MGAT4B: variants seen among roughly 807,000 people sequenced by gnomAD.
The protein encoded by MGAT4B is alpha-1,3-mannosyl-glycoprotein 4-beta-N-acetylglucosaminyltransferase B.
A neutral mutation model predicts 73.9 loss-of-function variants in MGAT4B; 38 were observed. The observed-to-expected ratio is 0.51, with a 90% CI of 0.40 to 0.67. MGAT4B has a LOEUF of 0.67. Among genes scored for constraint, MGAT4B ranks in the 30% least tolerant of loss-of-function variants. The pLI, the probability that MGAT4B is intolerant of heterozygous loss-of-function variation, is 0.00. For missense variants in MGAT4B, 686 were observed against 735.2 expected, an observed-to-expected ratio of 0.93 and a Z score of 0.77; for synonymous variants, 373 against 313.5, an observed-to-expected ratio of 1.19 and a Z score of -2.01.
In MGAT4B at chr5:179,798,579, G is replaced by A. The variant is rs1181986259; in HGVS notation, c.1356C>T (p.Arg452=). Residue 452 remains arginine, a synonymous_variant, in exon 12 of 15, where the codon CGC becomes CGT. Coordinates refer to ENST00000292591, the MANE Select transcript of MGAT4B (RefSeq NM_014275.5). ...CCTCCGGGTGCTCGATGTTCCCACTGCGGAAGAAGAACCTGCAGCCAGGCA... is the reference window on the plus strand; with the variant it reads ...CCTCCGGGTGCTCGATGTTCCCACTACGGAAGAAGAACCTGCAGCCAGGCA... ...QPLRLERFFF[R]SGNIEHPEDK... 1.2e-6 allele frequency: 2 copies of A among 1,613,446 alleles called. No individual in the cohort carries two copies. Among genetic ancestry groups the A allele is most frequent in the Admixed American group, 1.7e-5 (1 of 60,020 alleles).
intron 8 of MGAT4B, 148 bp downstream of exon 8, chr5:179,799,806 A>G (rs1581972619): frequency 8.1e-7 from 1 of 1,239,408 alleles, no homozygotes; most frequent in Non-Finnish European, 1.1e-6. Context: ...TGCACAGGCA[A>G]TGAGAACAGG....
chr5:179,799,030 G>A lies in MGAT4B; in HGVS notation c.1241C>T (p.Thr414Ile), dbSNP rs778042352. Residue 414 changes from threonine to isoleucine, a missense_variant, in exon 11 of 15, where the codon ACC becomes ATC. By Grantham distance (89) the Thr-to-Ile change is moderately conservative (BLOSUM62 -1). This residue lies in a region of MGAT4B where 449 missense variants were observed against 536.8 expected (regional missense o/e 0.84). Transcript: ENST00000292591. ...STSLKTYQHF[T>I]LEKAYLREDF... ...CTCGCGCAGGTAGGCTTTCTCCAGG[G>A]TGAAGTGCTGGTATGTCTTCAGGCT... 1 of 1,613,980 alleles carries A rather than the reference G, an allele frequency of 6.2e-7. No individual in the cohort carries two copies. Among genetic ancestry groups the A allele is most frequent in the South Asian group, 1.1e-5 (1 of 91,088 alleles).
In MGAT4B at chr5:179,798,332, C is replaced by T. The variant is rs745479806; in HGVS notation, c.1510+15G>A. 1.9e-6 allele frequency: 3 copies of T among 1,613,074 alleles called. No individual in the cohort carries two copies. The highest frequency in any genetic ancestry group is 1.7e-6 in the Non-Finnish European group (2 of 1,179,982). On this transcript the variant is annotated intron_variant, in intron 13 of 14. Coordinates refer to ENST00000292591, the MANE Select transcript of MGAT4B (RefSeq NM_014275.5). ...CCTGAACCCCAGCCCACGCTCTCCC[C>T]CAAACCCTACCCACCGATCTGGAGG... is the stretch of plus-strand genomic sequence containing the variant.
At chr5:179,802,032 G>A (rs75359599) in intron 1 of MGAT4B, 63 bp from the exon 2 acceptor site, 33,567 of 1,611,998 alleles carry the variant, frequency 0.021, 427 homozygotes, top group Non-Finnish European at 0.025. Flanking sequence ...GGCCCCTCCA[G>A]TGTGCCAGCG....
intron 1 of MGAT4B, chr5:179,803,176 G>C: frequency 1.0e-6 from 1 of 985,574 alleles, no homozygotes; most frequent in Non-Finnish European, 1.2e-6. Context: ...TAAGGAGCAG[G>C]GAGCCAGGTA....
intron 1 of MGAT4B, among the ~76,000 whole-genome samples, chr5:179,804,752 C>T (rs1192354735): frequency 2.6e-5 from 4 of 152,120 alleles, no homozygotes; most frequent in Non-Finnish European, 4.4e-5. Flanking sequence ...ATCTGGCCTC[C>T]GACTGGCTAC....
Position 179,797,827 on chromosome 5 carries a change from T to C in MGAT4B, c.*218A>G, listed in dbSNP as rs1756711902. 1 of 588,706 alleles carries C rather than the reference T, an allele frequency of 1.7e-6. No homozygotes were observed. The highest frequency in any genetic ancestry group is 2.9e-6 in the Non-Finnish European group (1 of 345,934). 36.5% of individuals were successfully genotyped at this position (588,706 alleles called of 1,614,324 possible). A position where few individuals can be genotyped will look rare whatever the true frequency, so the allele number is the denominator to read the frequency against. ...GAACGGTTCCGGGCCTCAGGCACAG[T>C]GTGGGGGCCGCCTGCCTCCTCCGCG... is the stretch of plus-strand genomic sequence containing the variant. On this transcript the variant is annotated 3_prime_UTR_variant, in exon 15 of 15. Transcript: ENST00000292591.
intron 11 of MGAT4B, 109 bp downstream of exon 11, chr5:179,798,819 A>G (rs1008206168): frequency 2.2e-6 from 3 of 1,340,508 alleles, no homozygotes; most frequent in Non-Finnish European, 3.1e-6. Context: ...TACGAGGCCC[A>G]CTTCAGATGC....
rs552992873 is a variant in MGAT4B at position 179,800,784 on chromosome 5, C to T, written c.605+123G>A. On this transcript the variant is annotated intron_variant, in intron 5 of 14. Transcript: ENST00000292591. ...CTTCTGCACACCCACCCCTCCCCCA[C>T]CAGGTCCCTGCCTCCCCACGAGATA... is the stretch of plus-strand genomic sequence containing the variant. The T allele has an allele frequency of 4.2e-6, 5 of 1,182,942 alleles. No homozygotes were observed. In the East Asian group the frequency reaches 1.2e-4, roughly 29 times the overall value. 73.3% of individuals were successfully genotyped at this position (1,182,942 alleles called of 1,614,324 possible).
intron 4 of MGAT4B, 29 bp from the exon 5 acceptor site, chr5:179,800,982 G>A (rs753356615): frequency 2.5e-6 from 4 of 1,613,088 alleles, no homozygotes; most frequent in East Asian, 2.2e-5. Flanking sequence ...CCCTCCCTTA[G>A]CCCTGCTGCT....
In MGAT4B at chr5:179,798,989, A is replaced by T. The variant is rs374437340; in HGVS notation, c.1282T>A (p.Phe428Ile). The change falls in exon 11 of 15, where the codon TTC (phenylalanine) becomes ATC (isoleucine). Residue 428 changes from phenylalanine (F) to isoleucine (I), a missense_variant. Phe to Ile is a conservative substitution (Grantham distance 21, BLOSUM62 0). Coordinates refer to ENST00000292591, the MANE Select transcript of MGAT4B (RefSeq NM_014275.5). ...ATGAAGTCCCCCGCGGCAGGGGTGA[A>T]GGCCCAGAAGAAGTCCTCGCGCAGG... ...AYLREDFFWA[F>I]TPAAGDFIRF... 1 of 1,613,690 alleles carries T rather than the reference A, an allele frequency of 6.2e-7. No individual in the cohort carries two copies. Among genetic ancestry groups the T allele is most frequent in the Non-Finnish European group, 8.5e-7 (1 of 1,180,026 alleles).
intron 1 of MGAT4B, 156 bp from the exon 2 acceptor site, chr5:179,802,125 C>T (rs375293894): frequency 2.0e-6 from 3 of 1,532,356 alleles, no homozygotes; most frequent in Non-Finnish European, 2.6e-6. Context: ...TGGGGTCACT[C>T]TAAAATTACA....
chr5:179,801,887 G>C lies in MGAT4B; in HGVS notation c.180C>G (p.Arg60=), dbSNP rs1255970901. 5 of 1,612,876 alleles carry C rather than the reference G, an allele frequency of 3.1e-6. No individual in the cohort carries two copies. In the Admixed American group the frequency reaches 5.0e-5, roughly 16 times the overall value. The change falls in exon 2 of 15, where the codon CGC becomes CGG. Residue 60 remains arginine, a synonymous_variant. Transcript: ENST00000292591. This position sits in a 1 kb window ranked among gnomAD's most constrained non-coding sequence, Gnocchi z 4.8. ...CCAGCACCAGGTTGAGCTCCTTGGA[G>C]CGCTTGAGGCTCTCCTGCTCAGCTG... ...LHAAEQESLK[R]SKELNLVLDE...
In MGAT4B at chr5:179,801,186, C is replaced by T. The variant is rs1484164159; in HGVS notation, c.558+148G>A. 7.9e-7 allele frequency: 1 copy of T among 1,265,776 alleles called. No homozygotes were observed. Among genetic ancestry groups the T allele is most frequent in the Admixed American group, 2.5e-5 (1 of 40,622 alleles). The allele number at this position is 1,265,776 out of a possible 1,614,324, so 78.4% of individuals were successfully genotyped here. A position where few individuals can be genotyped will look rare whatever the true frequency, so the allele number is the denominator to read the frequency against. The stretch of plus-strand genomic sequence containing the variant: ...GTAGGGGTAGAGGGTGCCAGAAAGC[C>T]CTTTCAACTTTCTATCTCGGAGCAT... On this transcript the variant is annotated intron_variant, in intron 4 of 14. Coordinates refer to ENST00000292591, the MANE Select transcript of MGAT4B (RefSeq NM_014275.5). The surrounding 1 kb of genome is among the most constrained non-coding windows in gnomAD (Gnocchi z 4.8).
chr5:179,801,526 C>T lies in MGAT4B; in HGVS notation c.424+28G>A. 6.2e-7 allele frequency: 1 copy of T among 1,603,866 alleles called. No individual in the cohort carries two copies. Among genetic ancestry groups the T allele is most frequent in the Non-Finnish European group, 8.5e-7 (1 of 1,173,814 alleles). ...TGCGGGGGCCACCCGTCCCCCCACC[C>T]CGTGCTCCTCCCTGTCTGCGCCCAT... On this transcript the variant is annotated intron_variant, in intron 3 of 14. Coordinates refer to ENST00000292591, the MANE Select transcript of MGAT4B (RefSeq NM_014275.5). This position sits in a 1 kb window ranked among gnomAD's most constrained non-coding sequence, Gnocchi z 4.8.
chr5:179,806,213 C>G lies in MGAT4B; in HGVS notation c.97+274G>C, dbSNP rs180964253. 260 of 163,630 alleles carry G rather than the reference C, an allele frequency of 1.6e-3. No individual in the cohort carries two copies. The highest frequency in any genetic ancestry group is 2.8e-3 in the Middle Eastern group (1 of 356). The allele number at this position is 163,630 out of a possible 1,614,324, so 10.1% of individuals were successfully genotyped here. A position where few individuals can be genotyped will look rare whatever the true frequency, so the allele number is the denominator to read the frequency against. On this transcript the variant is annotated intron_variant, in intron 1 of 14. Coordinates refer to ENST00000292591, the MANE Select transcript of MGAT4B (RefSeq NM_014275.5). The surrounding 1 kb of genome is among the most constrained non-coding windows in gnomAD (Gnocchi z 4.6). ...GTGACCTTGGGTCTCTGCCCCTCTC[C>G]GAGAACCCCACGGGTCCCCAGCTCA... is the stretch of plus-strand genomic sequence containing the variant.
chr5:179,806,524 G>C lies in MGAT4B; in HGVS notation c.60C>G (p.Leu20=). The C allele has an allele frequency of 7.5e-7, 1 of 1,340,142 alleles. No homozygotes were observed. The highest frequency in any genetic ancestry group is 9.8e-7 in the Non-Finnish European group (1 of 1,020,578). 83.0% of individuals were successfully genotyped at this position (1,340,142 alleles called of 1,614,324 possible). Residue 20 remains leucine, a synonymous_variant, in exon 1 of 15, where the codon CTC becomes CTG. Transcript: ENST00000292591. This position sits in a 1 kb window ranked among gnomAD's most constrained non-coding sequence, Gnocchi z 4.6. ...TLLLFCLCAF[L]SLSWYAALSG... ...TGAGTGCCGCGTACCAGGACAGCGA[G>C]AGGAAGGCGCACAGGCAGAAGAGCA...
chr5:179,802,888 A>G, intron 1 of MGAT4B: 1 of 985,372 alleles, frequency 1.0e-6, no homozygotes, highest in Non-Finnish European at 1.2e-6. Context: ...TATGTGGCCT[A>G]CAAGGCCTTC....
At chr5:179,804,664 C>T (rs770675104) in intron 1 of MGAT4B, among the ~76,000 whole-genome samples, 1 of 152,224 alleles carries the variant, frequency 6.6e-6, no homozygotes, top group Non-Finnish European at 1.5e-5. Flanking sequence ...CTCCTTCCTT[C>T]CCTGCAGATT....
Sources: allele counts gnomAD v4.1 joint callset (sites outside exome capture counted in the v4.1 genomes callset), GRCh38; gene constraint gnomAD v4.1.1; regional missense constraint gnomAD v4.1.1; non-coding constraint Gnocchi (gnomAD v3.1); transcripts MANE v1.5; gene names NCBI Gene and HGNC (gene_info 2026-07-23, HGNC 2026-07-21).